FCRL6: variants seen among roughly 807,000 people sequenced by gnomAD.
FCRL6 encodes Fc receptor-like protein 6.
In FCRL6, 50 loss-of-function variants were observed where a neutral mutation model predicts 49.1. That is an observed-to-expected ratio of 1.02 (90% CI 0.81 to 1.29). The LOEUF is 1.29. Ranked by LOEUF, FCRL6 falls within the 50% of genes most tolerant of loss-of-function variation. The pLI is 0.00. For synonymous variants in FCRL6, 213 were observed against 199.6 expected (o/e 1.07, Z -0.57); for missense variants, 571 against 518.5 (o/e 1.10, Z -0.98).
Position 159,815,827 on chromosome 1 carries a change from T to G in FCRL6, c.*166T>G. 1 of 759,502 alleles carries G rather than the reference T, an allele frequency of 1.3e-6. No homozygotes were observed. Among genetic ancestry groups the G allele is most frequent in the Non-Finnish European group, 2.1e-6 (1 of 483,478 alleles). 47.0% of individuals were successfully genotyped at this position (759,502 alleles called of 1,614,324 possible). ...CAGGAGCACCTGAACCCTGGGTTCT[T>G]TTCTTAGCAGAAGACCAACCAATGG... On this transcript the variant is annotated 3_prime_UTR_variant, in exon 10 of 10. Transcript: ENST00000368106.
Position 159,810,303 on chromosome 1 carries a change from C to A in FCRL6, c.1009+87C>A. On this transcript the variant is annotated intron_variant, in intron 6 of 9. Transcript: ENST00000368106. Reference sequence around the variant, plus strand: ...TTGGAAAGCCAGAGTCTGACAGGACCAGCCACTCTCTTCTCCTGGGTGTGG... The same window carrying A: ...TTGGAAAGCCAGAGTCTGACAGGACAAGCCACTCTCTTCTCCTGGGTGTGG... 4.7e-6 allele frequency: 7 copies of A among 1,483,460 alleles called. No individual in the cohort carries two copies. The South Asian group carries it at 5.3e-5, about 11-fold the overall frequency. 91.9% of individuals were successfully genotyped at this position (1,483,460 alleles called of 1,614,324 possible).
chr1:159,810,108 T>C lies in FCRL6; in HGVS notation c.901T>C (p.Phe301Leu), dbSNP rs914506578. 1 of 1,613,038 alleles carries C rather than the reference T, an allele frequency of 6.2e-7. No homozygotes were observed. Among genetic ancestry groups the C allele is most frequent in the African/African-American group, 1.3e-5 (1 of 74,878 alleles). ...KLSLKGSQVL[F>L]TPASNWLVPW... ...CCTGCTCCCAGGTTCTCAAGTCTTGTTCACTCCCGCCAGCAACTGGCTGGT... is the reference window on the plus strand; with the variant it reads ...CCTGCTCCCAGGTTCTCAAGTCTTGCTCACTCCCGCCAGCAACTGGCTGGT... The change falls in exon 6 of 10, where the codon TTC (phenylalanine) becomes CTC (leucine). Residue 301 changes from phenylalanine (F) to leucine (L), a missense_variant. By Grantham distance (22) the Phe-to-Leu change is conservative (BLOSUM62 0). Transcript: ENST00000368106.
Position 159,815,550 on chromosome 1 carries a change from C to A in FCRL6, c.1194C>A (p.Ile398=). The A allele has an allele frequency of 1.9e-6, 3 of 1,614,222 alleles. No homozygotes were observed. The highest frequency in any genetic ancestry group is 2.5e-6 in the Non-Finnish European group (3 of 1,180,036). Residue 398 remains isoleucine (I), a synonymous_variant, in exon 10 of 10, where the codon ATC becomes ATA. Coordinates refer to ENST00000368106, the MANE Select transcript of FCRL6 (RefSeq NM_001004310.3). ...CTCTTCCACAGGACAGTTCTATCAT[C>A]TGTGCGGAGGTGAGATGCCTGCAGC... The part of the protein sequence containing the change: ...FTVGRKDSSI[I]CAEVRCLQPS...
chr1:159,813,462 AG>A, intron 6 of FCRL6, 26 bp from the exon 7 acceptor site: 1 of 1,605,442 alleles, frequency 6.2e-7, no homozygotes, highest in Non-Finnish European at 8.5e-7. Context: ...AGGGACACCC[AG>A]TGAATCATGC....
At chr1:159,802,603 G>A in intron 1 of FCRL6, 148 bp downstream of exon 1, 1 of 712,942 alleles carries the variant, frequency 1.4e-6, no homozygotes, top group Non-Finnish European at 2.5e-6. Flanking sequence ...GGCATGCTTG[G>A]GAGAGATGGG....
chr1:159,805,398 A>C (rs548402360), intron 1 of FCRL6, among the ~76,000 whole-genome samples: 1 of 152,064 alleles, frequency 6.6e-6, no homozygotes, highest in Non-Finnish European at 1.5e-5. Flanking sequence ...TACCTAGGAC[A>C]TGCCAGCAAT....
In FCRL6 at chr1:159,815,942, C is replaced by A; in HGVS notation, c.*281C>A. ...AAGCCACAGATGTCTTCTTTCCATA[C>A]AAGCATGTTAGTTCGCCCCAATATA... On this transcript the variant is annotated 3_prime_UTR_variant, in exon 10 of 10. Coordinates refer to ENST00000368106, the MANE Select transcript of FCRL6 (RefSeq NM_001004310.3). The A allele has an allele frequency of 5.1e-6, 2 of 389,478 alleles. No homozygotes were observed. The highest frequency in any genetic ancestry group is 7.2e-5 in the Admixed American group (2 of 27,912). The allele number at this position is 389,478 out of a possible 1,614,324, so 24.1% of individuals were successfully genotyped here. A position where few individuals can be genotyped will look rare whatever the true frequency, so the allele number is the denominator to read the frequency against.
intron 8 of FCRL6, among the ~76,000 whole-genome samples, 176 bp from the exon 9 acceptor site, chr1:159,815,252 C>A (rs890858688): frequency 2.6e-5 from 4 of 152,170 alleles, no homozygotes; most frequent in African/African-American, 9.7e-5. Context: ...GGTGTGTAGT[C>A]CAGCTGGAAC....
At chr1:159,815,389 A>C in intron 8 of FCRL6, 39 bp from the exon 9 acceptor site, 1 of 1,601,570 alleles carries the variant, frequency 6.2e-7, no homozygotes, top group Non-Finnish European at 8.5e-7. Flanking sequence ...CTTGCTGTGG[A>C]GCACAGAGAC....
At position 159,809,670 on chromosome 1, in the gene FCRL6, G is replaced by A. The variant is rs113926240; in HGVS notation, c.873G>A (p.Lys291=). 8.3e-3 allele frequency: 13,461 copies of A among 1,613,902 alleles called. 887 individuals are homozygous for A. In the African/African-American group the frequency reaches 0.15, roughly 18 times the overall value. ...CCAGAGAGAGGAGTGAGCCCAAGAAGCTGTCTCTGAAGGGTGTGTTTTGTT... is the reference window on the plus strand; with the variant it reads ...CCAGAGAGAGGAGTGAGCCCAAGAAACTGTCTCTGAAGGGTGTGTTTTGTT... The part of the protein sequence containing the change: ...SVSRERSEPK[K]LSLKGSQVLF... Residue 291 remains lysine, a synonymous_variant, in exon 5 of 10, where the codon AAG becomes AAA. Transcript: ENST00000368106.
chr1:159,800,747 A>C, upstream of FCRL6: 2 of 747,374 alleles, frequency 2.7e-6, no homozygotes, highest in Non-Finnish European at 4.6e-6. Flanking sequence ...CAGACAATCT[A>C]GGGCAAGAAA....
At chr1:159,807,993 G>T (rs191053248) in intron 2 of FCRL6, among the ~76,000 whole-genome samples, 185 bp from the exon 3 acceptor site, 2 of 151,762 alleles carry the variant, frequency 1.3e-5, no homozygotes, top group Non-Finnish European at 2.9e-5. Context: ...AAAGGAAGGA[G>T]GAGTAAAGGA....
At position 159,816,116 on chromosome 1, in the gene FCRL6, A is replaced by G. The variant is rs1277593056; in HGVS notation, c.*455A>G. On this transcript the variant is annotated 3_prime_UTR_variant, in exon 10 of 10. Transcript: ENST00000368106. ...ATAGTTGCCTTAACATCATAACACAACACATTTCTCACGCGTTTGTGGTGA... is the reference window on the plus strand; with the variant it reads ...ATAGTTGCCTTAACATCATAACACAGCACATTTCTCACGCGTTTGTGGTGA... 1.1e-5 allele frequency: 2 copies of G among 182,966 alleles called. No individual in the cohort carries two copies. The highest frequency in any genetic ancestry group is 2.4e-5 in the Non-Finnish European group (2 of 84,272). The allele number at this position is 182,966 out of a possible 1,614,324, so 11.3% of individuals were successfully genotyped here.
chr1:159,810,341 G>A, intron 6 of FCRL6, 125 bp downstream of exon 6: 1 of 1,194,952 alleles, frequency 8.4e-7, no homozygotes, highest in African/African-American at 1.5e-5. Context: ...TGGCAGGGGG[G>A]ACTTCTCTTC....
In FCRL6 at chr1:159,808,226, C is replaced by T; in HGVS notation, c.101C>T (p.Ala34Val). The T allele has an allele frequency of 6.2e-7, 1 of 1,614,018 alleles. No individual in the cohort carries two copies. The highest frequency in any genetic ancestry group is 8.5e-7 in the Non-Finnish European group (1 of 1,179,874). Residue 34 changes from alanine to valine, a missense_variant, in exon 3 of 10, where the codon GCC (alanine) becomes GTC (valine). Transcript: ENST00000368106. ...AWPNPVFEGD[A>V]LTLRCQGWKN... ...CCAAACCCTGTGTTTGAAGGAGATG[C>T]CCTGACTCTGCGATGTCAGGGATGG...
In FCRL6 at chr1:159,809,418, T is replaced by C; in HGVS notation, c.621T>C (p.Pro207=). The C allele has an allele frequency of 6.2e-7, 1 of 1,608,996 alleles. No homozygotes were observed. Among genetic ancestry groups the C allele is most frequent in the East Asian group, 2.2e-5 (1 of 44,772 alleles). ...GTGTCCCAGCTCCTGTATCCCGTCC[T>C]GTGCTCACTCTGCACCACGGGCCTG... ...EVRVQAPVSR[P]VLTLHHGPAD... The change falls in exon 5 of 10, where the codon CCT becomes CCC. Residue 207 remains proline, a synonymous_variant. Transcript: ENST00000368106.
rs61821626 is a variant in FCRL6 at position 159,806,576 on chromosome 1, G to A, written c.32-20G>A. On this transcript the variant is annotated intron_variant, in intron 1 of 9. Coordinates refer to ENST00000368106, the MANE Select transcript of FCRL6 (RefSeq NM_001004310.3). Reference sequence around the variant, plus strand: ...TCTTTTTGCTACTTAACCTAATTGTGTTACTTTGTTCTCTTGCAGTTCCCT... The same window carrying A: ...TCTTTTTGCTACTTAACCTAATTGTATTACTTTGTTCTCTTGCAGTTCCCT... The A allele has an allele frequency of 0.11, 184,687 of 1,607,590 alleles. 11,779 individuals are homozygous for A. Among genetic ancestry groups the A allele is most frequent in the Non-Finnish European group, 0.13 (152,992 of 1,173,890 alleles).
Position 159,815,464 on chromosome 1 carries a change from GCTGGGATCC to G in FCRL6, c.1179+9_1179+17del. On this transcript the variant is annotated splice_donor_region_variant and intron_variant, in intron 9 of 9. Transcript: ENST00000368106. ...GAGTTCACCGTGGGGAGAAAGGTGA[GCTGGGATCC>G]CTGCTCCTTTCTCACCCTCTCTCTT... 6.2e-7 allele frequency: 1 copy of G among 1,614,048 alleles called. No homozygotes were observed. The highest frequency in any genetic ancestry group is 8.5e-7 in the Non-Finnish European group (1 of 1,179,942).
At position 159,815,634 on chromosome 1, in the gene FCRL6, T is replaced by C. The variant is rs1663361257; in HGVS notation, c.1278T>C (p.Leu426=). The C allele has an allele frequency of 1.2e-6, 2 of 1,614,056 alleles. No individual in the cohort carries two copies. Among genetic ancestry groups the C allele is most frequent in the Non-Finnish European group, 1.7e-6 (2 of 1,180,038 alleles). ...GAAGCAGGACTCTCCAAGAACCCCT[T>C]AGCGACTGTGAGGAGGTTCTCTGCT... ...NMRSRTLQEP[L]SDCEEVLC The change falls in exon 10 of 10, where the codon CTT becomes CTC. Residue 426 remains leucine (L), a synonymous_variant. Transcript: ENST00000368106.
Sources: allele counts gnomAD v4.1 joint callset (sites outside exome capture counted in the v4.1 genomes callset), GRCh38; gene constraint gnomAD v4.1.1; transcripts MANE v1.5; gene names NCBI Gene and HGNC (gene_info 2026-07-23, HGNC 2026-07-21).